The following PLXND1 variants were observed in gnomAD, a reference collection of about 807,000 sequenced individuals.
PLXND1 encodes plexin-D1.
Under a neutral mutation model 197.7 loss-of-function variants are expected in PLXND1, and 54 were observed. The ratio of observed to expected loss-of-function variants is 0.27; its 90% CI spans 0.22 to 0.34. The LOEUF (loss-of-function observed/expected upper bound fraction) is 0.34, where lower values mean the gene tolerates loss of function less well. Among genes scored for constraint, PLXND1 ranks in the 10% least tolerant of loss-of-function variants. The probability of loss-of-function intolerance (pLI) is 1.00; values close to 1 mark genes in which losing one functional copy is unlikely to be tolerated. For synonymous variants in PLXND1, 1,180 were observed against 1,161.2 expected, an observed-to-expected ratio of 1.02 and a Z score of -0.33; for missense variants, 2,127 against 2,699.2, an observed-to-expected ratio of 0.79 and a Z score of 4.70.
chr3:129,572,884 G>A lies in PLXND1; in HGVS notation c.2895C>T (p.Asn965=), dbSNP rs777601193. 31 of 1,613,764 alleles carry A rather than the reference G, an allele frequency of 1.9e-5. No homozygotes were observed. The highest frequency in any genetic ancestry group is 4.0e-5 in the African/African-American group (3 of 74,926). ...CCCGGGACTTGCCCTCCTTAGAGGCGTTCACGGTCACCACACCTGAGAGTG... is the reference window on the plus strand; with the variant it reads ...CCCGGGACTTGCCCTCCTTAGAGGCATTCACGGTCACCACACCTGAGAGTG... The part of the protein sequence containing the change: ...PGPLSGVVTV[N]ASKEGKSRDR... Residue 965 remains asparagine, a synonymous_variant, in exon 14 of 36, where the codon AAC becomes AAT. Transcript: ENST00000324093.
intron 1 of PLXND1, 74 bp from the exon 2 acceptor site, chr3:129,589,601 ATCTCAG>A: frequency 7.7e-7 from 1 of 1,304,740 alleles, no homozygotes; most frequent in Non-Finnish European, 1.0e-6. Context: ...GCTGGCTGGG[ATCTCAG>A]GCCCTGGCAT....
chr3:129,584,403 G>A lies in PLXND1; in HGVS notation c.2011C>T (p.Pro671Ser). 1 of 1,612,966 alleles carries A rather than the reference G, an allele frequency of 6.2e-7. No individual in the cohort carries two copies. The highest frequency in any genetic ancestry group is 1.1e-5 in the South Asian group (1 of 90,936). ...TGCTTACCCTGGTTGGGGGGGAAGG[G>A]CGGAAACTGGTCCCTCGGCAGGAGG... ...CNLLPRDQFP[P>S]FPPNQDHVTV... is the part of the protein sequence containing the mutation. The change falls in exon 6 of 36, where the codon CCC (proline) becomes TCC (serine). Residue 671 changes from proline to serine, a missense_variant. Physicochemically the swap from Pro to Ser is moderately conservative, Grantham distance 74. Coordinates refer to ENST00000324093, the MANE Select transcript of PLXND1 (RefSeq NM_015103.3).
chr3:129,579,221 A>T (rs2108783944), intron 8 of PLXND1, among the ~76,000 whole-genome samples: 1 of 152,094 alleles, frequency 6.6e-6, no homozygotes, highest in Non-Finnish European at 1.5e-5. Context: ...GGGAGGGGAG[A>T]TTGAGCCTCC....
Position 129,571,776 on chromosome 3 carries a change from A to G in PLXND1, c.3146T>C (p.Val1049Ala), listed in dbSNP as rs1271858561. ...GALPAPVPVC[V>A]RFERRGCVHG... ...CACGCAGCCCCGACGCTCGAAGCGC[A>G]CACACACAGGCACCGGAGCCGGCAG... is the stretch of plus-strand genomic sequence containing the variant. Residue 1049 changes from valine (V) to alanine (A), a missense_variant, in exon 16 of 36, where the codon GTG becomes GCG. Physicochemically the swap from Val to Ala is moderately conservative, Grantham distance 64. This residue lies in a region of PLXND1 where 1,095 missense variants were observed against 1,259.8 expected (regional missense o/e 0.87). Transcript: ENST00000324093. The G allele has an allele frequency of 4.3e-6, 7 of 1,613,154 alleles. No homozygotes were observed. The highest frequency in any genetic ancestry group is 2.2e-5 in the East Asian group (1 of 44,886).
At chr3:129,605,286 CG>C in intron 1 of PLXND1, 42 bp downstream of exon 1, 1 of 670,914 alleles carries the variant, frequency 1.5e-6, no homozygotes, top group Non-Finnish European at 2.0e-6. Context: ...CCCCCGCCCC[CG>C]CCGCCGCCGC....
In PLXND1 at chr3:129,605,284, CCCGCCGCCGCCG is replaced by C. The variant is rs3832259; in HGVS notation, c.1311+33_1311+44del. ...GTTCCCGCCCGCCCCCGCCCCCGCC[CCCGCCGCCGCCG>C]CCGCCGCCGCCGCCGCCACCGCCCG... On this transcript the variant is annotated intron_variant, in intron 1 of 35. Coordinates refer to ENST00000324093, the MANE Select transcript of PLXND1 (RefSeq NM_015103.3). 1,327 of 784,082 alleles carry C rather than the reference CCCGCCGCCGCCG, an allele frequency of 1.7e-3. 32 individuals carry two copies. In the East Asian group the frequency reaches 0.038, roughly 22 times the overall value. The allele number at this position is 784,082 out of a possible 1,614,324, so 48.6% of individuals were successfully genotyped here.
At chr3:129,597,584 C>G (rs2085646050) in intron 1 of PLXND1, among the ~76,000 whole-genome samples, 1 of 152,126 alleles carries the variant, frequency 6.6e-6, no homozygotes, top group Non-Finnish European at 1.5e-5. Context: ...GCTTCCCTCC[C>G]CCTCCAGCGC....
intron 12 of PLXND1, 137 bp from the exon 13 acceptor site, chr3:129,573,882 G>A (rs946416257): frequency 2.1e-6 from 2 of 965,980 alleles, no homozygotes; most frequent in East Asian, 2.6e-5. Context: ...GGCTCAGGTG[G>A]GGCTGGGACT....
chr3:129,565,306 C>T (rs778376749), intron 25 of PLXND1, 34 bp downstream of exon 25: 18 of 1,587,080 alleles, frequency 1.1e-5, no homozygotes, highest in Non-Finnish European at 1.5e-5. Context: ...CCACGTCCCC[C>T]GCCTGGGCTC....
At position 129,559,700 on chromosome 3, in the gene PLXND1, G is replaced by A; in HGVS notation, c.5217C>T (p.Tyr1739=). The A allele has an allele frequency of 6.2e-7, 1 of 1,613,408 alleles. No homozygotes were observed. The highest frequency in any genetic ancestry group is 8.5e-7 in the Non-Finnish European group (1 of 1,179,718). ...REDKPPLAVK[Y]FFDFLEEQAE... is the part of the protein sequence containing the mutation. ...CCTGCTCCTCCAGGAAGTCGAAAAA[G>A]TACTTGACAGCCAGTGGGGGCTTGT... is the stretch of plus-strand genomic sequence containing the variant. The change falls in exon 32 of 36, where the codon TAC becomes TAT. Residue 1739 remains tyrosine, a synonymous_variant. Transcript: ENST00000324093.
chr3:129,569,567 C>T (rs2085192351), intron 20 of PLXND1: 2 of 430,690 alleles, frequency 4.6e-6, no homozygotes, highest in South Asian at 5.9e-5. Context: ...TCTCTATTGA[C>T]TGGAGAACAT....
At chr3:129,571,869 C>A in intron 15 of PLXND1, 25 bp from the exon 16 acceptor site, 1 of 1,575,632 alleles carries the variant, frequency 6.3e-7, no homozygotes, top group Non-Finnish European at 8.6e-7. Flanking sequence ...AGGTTATCAG[C>A]AGGGCCTGCC....
intron 24 of PLXND1, 75 bp from the exon 25 acceptor site, chr3:129,565,613 T>C: frequency 7.6e-7 from 1 of 1,309,856 alleles, no homozygotes; most frequent in Non-Finnish European, 1.1e-6. Context: ...CAGTGCCGCC[T>C]CATCCCCGGG....
In PLXND1 at chr3:129,570,063, C is replaced by G. The variant is rs1401920128; in HGVS notation, c.3751-106G>C. Reference sequence around the variant, plus strand: ...GGGTAAATTACCTAACCTCTCTGAGCCTCAGGTGCCACACTGATAACATAG... The same window carrying G: ...GGGTAAATTACCTAACCTCTCTGAGGCTCAGGTGCCACACTGATAACATAG... On this transcript the variant is annotated intron_variant, in intron 19 of 35. Transcript: ENST00000324093. The G allele has an allele frequency of 2.4e-5, 17 of 694,270 alleles. No individual in the cohort carries two copies. The South Asian group carries it at 2.6e-4, about 11-fold the overall frequency. The allele number at this position is 694,270 out of a possible 1,614,324, so 43.0% of individuals were successfully genotyped here.
At chr3:129,578,210 C>T (rs752982269) in intron 9 of PLXND1, 119 bp downstream of exon 9, 27 of 711,372 alleles carry the variant, frequency 3.8e-5, no homozygotes, top group South Asian at 6.1e-5. Context: ...CACACAGGTG[C>T]GAAAGCACTG....
intron 20 of PLXND1, among the ~76,000 whole-genome samples, chr3:129,568,552 C>T (rs1212361457): frequency 6.6e-6 from 1 of 151,928 alleles, no homozygotes; most frequent in African/African-American, 2.4e-5. Context: ...GGTTTCTTTT[C>T]TTTCTTTTTT....
intron 13 of PLXND1, 56 bp from the exon 14 acceptor site, chr3:129,572,997 A>G (rs2085260346): frequency 8.0e-7 from 1 of 1,256,714 alleles, no homozygotes; most frequent in Admixed American, 1.8e-5. Context: ...GCCACCCTAG[A>G]GCCAGGCTCA....
chr3:129,585,838 C>G, intron 5 of PLXND1, 114 bp downstream of exon 5: 3 of 1,389,202 alleles, frequency 2.2e-6, no homozygotes, highest in Non-Finnish European at 3.0e-6. Context: ...CATTATTTGT[C>G]TTCAGGTCCT....
intron 19 of PLXND1, among the ~76,000 whole-genome samples, chr3:129,570,266 C>G (rs1294916004): frequency 6.6e-6 from 1 of 152,096 alleles, no homozygotes; most frequent in African/African-American, 2.4e-5. Flanking sequence ...GCTGCTGTCC[C>G]CAAGTATCTG....
Sources: allele counts gnomAD v4.1 joint callset (sites outside exome capture counted in the v4.1 genomes callset), GRCh38; gene constraint gnomAD v4.1.1; regional missense constraint gnomAD v4.1.1; transcripts MANE v1.5; gene names NCBI Gene and HGNC (gene_info 2026-07-23, HGNC 2026-07-21).